The following MINDY2 variants were observed in gnomAD, a reference collection of about 807,000 sequenced individuals.
MINDY2 encodes the protein MINDY lysine 48 deubiquitinase 2.
Under a neutral mutation model 68.2 loss-of-function variants are expected in MINDY2, and 52 were observed. The ratio of observed to expected loss-of-function variants is 0.76; its 90% confidence interval spans 0.61 to 0.96. The LOEUF (loss-of-function observed/expected upper bound fraction) is 0.96, where lower values mean the gene tolerates loss of function less well. MINDY2 is among the 40% of genes least tolerant of loss of function. The probability of loss-of-function intolerance (pLI) is 0.00; values close to 1 mark genes in which losing one functional copy is unlikely to be tolerated. For missense variants in MINDY2, 881 were observed against 773.4 expected (o/e 1.14, Z -1.65); for synonymous variants, 372 against 303.0 (o/e 1.23, Z -2.36).
rs1455181159 is a variant in MINDY2 at position 58,772,216 on chromosome 15, T to C, written c.821T>C (p.Val274Ala). Reference sequence around the variant, plus strand: ...TGCCCCTTGCTGGCCATCCTCAATGTTTTGCTCCTGGCCTGGAAGGTACAT... The same window carrying C: ...TGCCCCTTGCTGGCCATCCTCAATGCTTTGCTCCTGGCCTGGAAGGTACAT... Reference protein sequence around the residue: ...GPCPLLAILNVLLLAWKVKLP... With the variant: ...GPCPLLAILNALLLAWKVKLP... The change falls in exon 1 of 9, where the codon GTT becomes GCT. Residue 274 changes from valine (V) to alanine (A), a missense_variant. Val to Ala is a moderately conservative substitution (Grantham distance 64). Transcript: ENST00000559228. The C allele has an allele frequency of 6.2e-7, 1 of 1,612,166 alleles. No homozygotes were observed. The highest frequency in any genetic ancestry group is 1.7e-5 in the Admixed American group (1 of 60,022).
At chr15:58,829,327 C>A (rs191628124) in intron 5 of MINDY2, among the ~76,000 whole-genome samples, 79 of 152,252 alleles carry the variant, frequency 5.2e-4, no homozygotes, top group Admixed American at 2.0e-3. Flanking sequence ...AGATATAATT[C>A]AAGTGGCATT....
intron 8 of MINDY2, among the ~76,000 whole-genome samples, chr15:58,852,707 G>C (rs752558946): frequency 8.6e-5 from 13 of 151,998 alleles, no homozygotes; most frequent in Non-Finnish European, 1.6e-4. Context: ...TCTTAAGTTT[G>C]TTGTGAAGAA....
Position 58,860,559 on chromosome 15 carries a change from G to GC in MINDY2, c.*5950dup, listed in dbSNP as rs750672952. On this transcript the variant is annotated 3_prime_UTR_variant, in exon 9 of 9. Coordinates refer to ENST00000559228, the MANE Select transcript of MINDY2 (RefSeq NM_001040450.3). ...ACTGCACTCCAGCCTGGGCGACTGA[G>GC]CGAGACTCTTATATCTCAAAAAAAA... 5.6e-4 allele frequency: 82 copies of GC among 145,974 alleles called. No homozygotes were observed. The highest frequency in any genetic ancestry group is 7.4e-4 in the Non-Finnish European group (50 of 67,304). 9.0% of individuals were successfully genotyped at this position (145,974 alleles called of 1,614,324 possible). A position where few individuals can be genotyped will look rare whatever the true frequency, so the allele number is the denominator to read the frequency against.
chr15:58,814,667 A>G (rs1301588589), intron 4 of MINDY2, among the ~76,000 whole-genome samples: 1 of 151,778 alleles, frequency 6.6e-6, no homozygotes, highest in African/African-American at 2.4e-5. Flanking sequence ...CACCATGTCC[A>G]GCCCTTTTCC....
rs562498406 is a variant in MINDY2, at chr15:58,855,218, A to G, written c.*608A>G. The G allele has an allele frequency of 6.5e-6, 1 of 152,786 alleles. No individual in the cohort carries two copies. The highest frequency in any genetic ancestry group is 2.1e-4 in the South Asian group (1 of 4,832). 9.5% of individuals were successfully genotyped at this position (152,786 alleles called of 1,614,324 possible). ...TATCTTGATCATGGAGCTTAGTTTT[A>G]ATTTAGATAGCAAAAATAAAGATTT... On this transcript the variant is annotated 3_prime_UTR_variant, in exon 9 of 9. Coordinates refer to ENST00000559228, the MANE Select transcript of MINDY2 (RefSeq NM_001040450.3).
At chr15:58,841,182 C>T (rs1430097470) in intron 6 of MINDY2, among the ~76,000 whole-genome samples, 4 of 151,426 alleles carry the variant, frequency 2.6e-5, no homozygotes, top group Non-Finnish European at 5.9e-5. Flanking sequence ...AGAGTTTCAC[C>T]ATGTTGACCA....
chr15:58,784,412 T>G (rs8033478), intron 1 of MINDY2, among the ~76,000 whole-genome samples: 33,428 of 151,960 alleles, frequency 0.22, 4,363 homozygotes, highest in East Asian at 0.52. Context: ...TAATAAAAAT[T>G]TATTTGGCCT....
Position 58,854,624 on chromosome 15 carries a change from C to A in MINDY2, c.*14C>A. The A allele has an allele frequency of 6.2e-7, 1 of 1,600,068 alleles. No homozygotes were observed. The highest frequency in any genetic ancestry group is 8.5e-7 in the Non-Finnish European group (1 of 1,178,222). On this transcript the variant is annotated 3_prime_UTR_variant, in exon 9 of 9. Transcript: ENST00000559228. ...GTTATTTTGTAACAAGTGTTGGCTT[C>A]TGTTGGAACCACCTATATGTCTTGA...
intron 2 of MINDY2, among the ~76,000 whole-genome samples, chr15:58,795,596 G>C (rs994868217): frequency 6.6e-6 from 1 of 152,048 alleles, no homozygotes; most frequent in Admixed American, 6.6e-5. Flanking sequence ...AGTAGAGACA[G>C]GGTTTCACCG....
At chr15:58,785,147 A>AG (rs1901404864) in intron 1 of MINDY2, among the ~76,000 whole-genome samples, 1 of 141,206 alleles carries the variant, frequency 7.1e-6, no homozygotes, top group Admixed American at 7.4e-5. Context: ...AAAAAAAAAA[A>AG]AAAAAAAAAA....
Position 58,772,217 on chromosome 15 carries a change from T to C in MINDY2, c.822T>C (p.Val274=), listed in dbSNP as rs1595690846. 1.2e-6 allele frequency: 2 copies of C among 1,612,080 alleles called. No homozygotes were observed. Among genetic ancestry groups the C allele is most frequent in the Non-Finnish European group, 1.7e-6 (2 of 1,180,010 alleles). ...GPCPLLAILN[V]LLLAWKVKLP... is the part of the protein sequence containing the mutation. ...GCCCCTTGCTGGCCATCCTCAATGT[T>C]TTGCTCCTGGCCTGGAAGGTACATT... Residue 274 remains valine, a synonymous_variant, in exon 1 of 9, where the codon GTT becomes GTC. Coordinates refer to ENST00000559228, the MANE Select transcript of MINDY2 (RefSeq NM_001040450.3).
chr15:58,839,887 C>T (rs2032192961), intron 6 of MINDY2, among the ~76,000 whole-genome samples: 1 of 149,690 alleles, frequency 6.7e-6, no homozygotes, highest in Admixed American at 6.7e-5. Context: ...GGCTGGAGTG[C>T]AGTGGAGCAA....
At chr15:58,784,495 A>C (rs562533168) in intron 1 of MINDY2, among the ~76,000 whole-genome samples, 1 of 152,248 alleles carries the variant, frequency 6.6e-6, no homozygotes, top group Admixed American at 6.5e-5. Flanking sequence ...TATTTAAACT[A>C]CTTAAAGTGC....
intron 4 of MINDY2, among the ~76,000 whole-genome samples, chr15:58,816,776 T>A (rs1228827693): frequency 6.6e-6 from 1 of 152,148 alleles, no homozygotes; most frequent in African/African-American, 2.4e-5. Flanking sequence ...CGCAAAATTC[T>A]ATTCCATGCG....
intron 2 of MINDY2, among the ~76,000 whole-genome samples, chr15:58,792,399 A>G (rs1180389188): frequency 1.3e-5 from 2 of 152,204 alleles, no homozygotes; most frequent in East Asian, 1.9e-4. Context: ...CAATGTCAAG[A>G]GTTTGAGACC....
chr15:58,795,161 G>GC (rs1902199477), intron 2 of MINDY2, among the ~76,000 whole-genome samples: 1 of 150,716 alleles, frequency 6.6e-6, no homozygotes, highest in African/African-American at 2.4e-5. Context: ...GGGCACCAGA[G>GC]CGAGACTCGT....
chr15:58,786,043 T>G (rs1337333521), intron 1 of MINDY2, among the ~76,000 whole-genome samples: 1 of 152,218 alleles, frequency 6.6e-6, no homozygotes, highest in African/African-American at 2.4e-5. Context: ...CAAAGACATC[T>G]CTTGGTTTTT....
At chr15:58,832,013 G>A (rs1188359213) in intron 6 of MINDY2, 97 bp downstream of exon 6, 94 of 1,096,966 alleles carry the variant, frequency 8.6e-5, no homozygotes, top group Middle Eastern at 2.9e-4. Context: ...AGATTTTAGC[G>A]TAATATTTCT....
intron 1 of MINDY2, among the ~76,000 whole-genome samples, chr15:58,776,369 A>G (rs1439990371): frequency 6.6e-6 from 1 of 152,150 alleles, no homozygotes; most frequent in Non-Finnish European, 1.5e-5. Flanking sequence ...AAACAGAGGA[A>G]TAAAGATTAC....
Sources: gnomAD v4.1 joint callset for allele counts (sites outside exome capture counted in the v4.1 genomes callset) on GRCh38, gnomAD v4.1.1 for gene constraint, MANE v1.5 for transcripts, NCBI Gene and HGNC (gene_info 2026-07-23, HGNC 2026-07-21) for gene names.